The following CDH23 variants were observed in gnomAD, a reference collection of about 807,000 sequenced individuals.
The protein encoded by CDH23 is cadherin-23.
A neutral mutation model predicts 317.1 loss-of-function variants in CDH23; 189 were observed. The observed-to-expected ratio is 0.60, with a 90% CI of 0.53 to 0.67. The LOEUF is 0.67. Among genes scored for constraint, CDH23 ranks in the 30% least tolerant of loss-of-function variants. The probability of loss-of-function intolerance (pLI) is 0.00; values close to 1 mark genes in which losing one functional copy is unlikely to be tolerated. For synonymous variants in CDH23, 1,839 were observed against 1,876.8 expected, an observed-to-expected ratio of 0.98 and a Z score of 0.52; for missense variants, 4,401 against 4,592.4, an observed-to-expected ratio of 0.96 and a Z score of 1.20.
At chr10:71,629,516 A>G (rs1861904847) in intron 11 of CDH23, among the ~76,000 whole-genome samples, 3 of 152,226 alleles carry the variant, frequency 2.0e-5, no homozygotes, top group Non-Finnish European at 4.4e-5. Flanking sequence ...ATGAGATGGC[A>G]AGCCGCCTAA....
At chr10:71,588,749 C>T (rs1859258278) in intron 9 of CDH23, among the ~76,000 whole-genome samples, 1 of 152,222 alleles carries the variant, frequency 6.6e-6, no homozygotes, top group Non-Finnish European at 1.5e-5. Context: ...CCTGCACTTT[C>T]TAACTGCCCT....
At chr10:71,465,500 G>A (rs940080310) in intron 3 of CDH23, among the ~76,000 whole-genome samples, 3 of 152,236 alleles carry the variant, frequency 2.0e-5, no homozygotes, top group Non-Finnish European at 4.4e-5. Context: ...TAATAGAAAC[G>A]GAGGGCCCTG....
rs112139339 is a variant in CDH23 at position 71,614,486 on chromosome 10, C to T, written c.833-1018C>T. On this transcript the variant is annotated intron_variant, in intron 9 of 69. Coordinates refer to ENST00000224721, the MANE Select transcript of CDH23 (RefSeq NM_022124.6). The stretch of plus-strand genomic sequence containing the variant: ...ATGCAGGACTGGCCCAGGTGAGGAA[C>T]ATGCCTGCCACTGTGTGCCCAGCGT... Among the ~76,000 whole-genome samples, 826 of 152,338 alleles carry T rather than the reference C, an allele frequency of 5.4e-3. 7 individuals are homozygous for T. Among genetic ancestry groups the T allele is most frequent in the African/African-American group, 0.019 (793 of 41,570 alleles).
chr10:71,639,087 G>A (rs61463062), intron 11 of CDH23, among the ~76,000 whole-genome samples: 25,266 of 152,112 alleles, frequency 0.17, 2,538 homozygotes, highest in East Asian at 0.35. Context: ...CTGTCACCTC[G>A]GCCTCCCCGC....
chr10:71,518,987 G>T (rs1005058068), intron 6 of CDH23, among the ~76,000 whole-genome samples: 1 of 152,268 alleles, frequency 6.6e-6, no homozygotes, highest in Admixed American at 6.5e-5. Flanking sequence ...CACCACGAAA[G>T]AGGACAGCGT....
At chr10:71,682,395 G>A in intron 17 of CDH23, 50 bp from the exon 18 acceptor site, 7 of 1,598,698 alleles carry the variant, frequency 4.4e-6, no homozygotes, top group Non-Finnish European at 5.1e-6. Flanking sequence ...GTCTGGACGG[G>A]CATCTCAAGT....
Position 71,751,739 on chromosome 10 carries a change from C to T in CDH23, c.4845+9818C>T, listed in dbSNP as rs372452777. 1.9e-5 allele frequency: 30 copies of T among 1,595,190 alleles called. No homozygotes were observed. In the East Asian group the frequency reaches 2.2e-4, roughly 12 times the overall value. ...GGTGCTGGGCTCCGAAAGCAGATGC[C>T]GCCCAGACTCAGAAGGCTGCCGCTG... On this transcript the variant is annotated intron_variant, in intron 38 of 69. Coordinates refer to ENST00000224721, the MANE Select transcript of CDH23 (RefSeq NM_022124.6). The surrounding 1 kb of genome is among the most constrained non-coding windows in gnomAD (Gnocchi z 4.9).
intron 65 of CDH23, 29 bp from the exon 66 acceptor site, chr10:71,811,926 C>G (rs1315567951): frequency 1.2e-6 from 2 of 1,613,500 alleles, no homozygotes; most frequent in Admixed American, 3.3e-5. Flanking sequence ...ATGCCCCTCC[C>G]CTCCATGCCC....
chr10:71,403,347 C>A (rs1269228645), intron 1 of CDH23, among the ~76,000 whole-genome samples: 24 of 75,674 alleles, frequency 3.2e-4, no homozygotes, highest in Non-Finnish European at 5.6e-4. Context: ...TTCTTTCTTT[C>A]TTTCTTTCTT....
At chr10:71,577,413 A>G (rs1246852286) in intron 8 of CDH23, among the ~76,000 whole-genome samples, 1 of 152,050 alleles carries the variant, frequency 6.6e-6, no homozygotes, top group Admixed American at 6.5e-5. Flanking sequence ...ACCTGCTTTC[A>G]TGATTTATGC....
At chr10:71,650,001 G>A (rs1313002169) in intron 14 of CDH23, among the ~76,000 whole-genome samples, 1 of 152,222 alleles carries the variant, frequency 6.6e-6, no homozygotes, top group African/African-American at 2.4e-5. Context: ...CACCCATCCA[G>A]AAGGTTCTAT....
intron 3 of CDH23, among the ~76,000 whole-genome samples, chr10:71,498,153 T>C (rs574755349): frequency 6.6e-6 from 1 of 152,298 alleles, no homozygotes; most frequent in East Asian, 1.9e-4. Context: ...ACAGCAGCGA[T>C]TTGCCCATGG....
chr10:71,410,070 A>G (rs551557328), intron 1 of CDH23, among the ~76,000 whole-genome samples: 35 of 152,314 alleles, frequency 2.3e-4, no homozygotes, highest in African/African-American at 7.7e-4. Context: ...GCTTCTGGCA[A>G]TTTAATTAAT....
chr10:71,502,750 CAG>C (rs1241806549), intron 3 of CDH23, among the ~76,000 whole-genome samples: 1 of 152,182 alleles, frequency 6.6e-6, no homozygotes, highest in African/African-American at 2.4e-5. Flanking sequence ...GGCGTTTGAG[CAG>C]AGTGTGGCAC....
At chr10:71,403,375 CTT>C (rs1408872398) in intron 1 of CDH23, among the ~76,000 whole-genome samples, 7 of 114,246 alleles carry the variant, frequency 6.1e-5, no homozygotes, top group African/African-American at 2.2e-4. Context: ...TTCTTTCTTT[CTT>C]TCTTTCTTTC....
chr10:71,411,651 GTAA>G (rs1430515777), intron 1 of CDH23, among the ~76,000 whole-genome samples: 1 of 152,072 alleles, frequency 6.6e-6, no homozygotes, highest in Non-Finnish European at 1.5e-5. Context: ...AATGGAAGTG[GTAA>G]TAATAAGCAT....
At chr10:71,521,496 T>C (rs1854679555) in intron 6 of CDH23, among the ~76,000 whole-genome samples, 1 of 152,142 alleles carries the variant, frequency 6.6e-6, no homozygotes, top group South Asian at 2.1e-4. Flanking sequence ...CCTATCCCAA[T>C]ACCAAGTGGT....
intron 9 of CDH23, among the ~76,000 whole-genome samples, chr10:71,613,005 C>A (rs191229970): frequency 1.7e-3 from 253 of 152,360 alleles, no homozygotes; most frequent in South Asian, 4.8e-3. Context: ...TGCGCCACCA[C>A]ACCCAGCTGT....
chr10:71,617,736 C>T, intron 11 of CDH23: 1 of 193,840 alleles, frequency 5.2e-6, no homozygotes, highest in Non-Finnish European at 9.4e-6. Flanking sequence ...TGCAGTGGCT[C>T]ACATCTGTAA....
Sources: gnomAD v4.1 joint callset for allele counts (sites outside exome capture counted in the v4.1 genomes callset) on GRCh38, gnomAD v4.1.1 for gene constraint, Gnocchi (gnomAD v3.1) non-coding constraint, MANE v1.5 for transcripts, NCBI Gene and HGNC (gene_info 2026-07-23, HGNC 2026-07-21) for gene names.